The following PEX14 variants were observed in gnomAD, a reference collection of about 807,000 sequenced individuals.
PEX14 encodes the protein peroxisomal membrane protein PEX14.
A neutral mutation model predicts 49.5 loss-of-function variants in PEX14; 15 were observed. That is an observed-to-expected ratio of 0.30 (90% CI 0.20 to 0.47). PEX14 has a LOEUF of 0.47. Ranked by LOEUF, PEX14 falls within the 20% of genes least tolerant of loss-of-function variation. The probability of loss-of-function intolerance (pLI) is 1.00; values close to 1 mark genes in which losing one functional copy is unlikely to be tolerated. For synonymous variants in PEX14, 210 were observed against 212.7 expected, an observed-to-expected ratio of 0.99 and a Z score of 0.11; for missense variants, 398 against 494.8, an observed-to-expected ratio of 0.80 and a Z score of 1.86.
chr1:10,504,887 AG>A (rs1641754276), intron 2 of PEX14, among the ~76,000 whole-genome samples: 1 of 151,576 alleles, frequency 6.6e-6, no homozygotes, highest in African/African-American at 2.4e-5. Context: ...CCCAGGGTCA[AG>A]CTGTTCTCCT....
chr1:10,572,413 C>T (rs143885321), intron 3 of PEX14, among the ~76,000 whole-genome samples: 10 of 152,130 alleles, frequency 6.6e-5, no homozygotes, highest in Admixed American at 6.5e-5. Flanking sequence ...AACCATAGAA[C>T]AAAAAGGATG....
chr1:10,586,349 TCTA>T (rs1272096855), intron 3 of PEX14, among the ~76,000 whole-genome samples: 1 of 152,218 alleles, frequency 6.6e-6, no homozygotes, highest in Non-Finnish European at 1.5e-5. Flanking sequence ...CTAGAGCTCT[TCTA>T]CTCTGCTGGT....
chr1:10,623,101 G>A lies in PEX14; in HGVS notation c.467G>A (p.Ser156Asn). The A allele has an allele frequency of 6.2e-7, 1 of 1,613,316 alleles. No homozygotes were observed. The highest frequency in any genetic ancestry group is 8.5e-7 in the Non-Finnish European group (1 of 1,179,494). The change falls in exon 6 of 9, where the codon AGT becomes AAT. Residue 156 changes from serine (S) to asparagine (N), a missense_variant. Ser to Asn is a conservative substitution (Grantham distance 46). Transcript: ENST00000356607. The surrounding 1 kb of genome is among the most constrained non-coding windows in gnomAD (Gnocchi z 4.4). ...ERMEAGLSELSGSVAQTVTQL... is the reference protein window; with the variant it reads ...ERMEAGLSELNGSVAQTVTQL... Reference sequence around the variant, plus strand: ...ATGGAGGCCGGTCTCTCTGAGCTGAGTGGCAGCGTGGCCCAGACAGGTAAA... The same window carrying A: ...ATGGAGGCCGGTCTCTCTGAGCTGAATGGCAGCGTGGCCCAGACAGGTAAA...
chr1:10,482,774 T>C (rs375136849), intron 1 of PEX14, among the ~76,000 whole-genome samples: 1 of 152,326 alleles, frequency 6.6e-6, no homozygotes, highest in East Asian at 1.9e-4. Context: ...GTTTCACCTT[T>C]AGGGTCATTA....
At chr1:10,525,420 G>A (rs1288717974) in intron 2 of PEX14, among the ~76,000 whole-genome samples, 2 of 152,026 alleles carry the variant, frequency 1.3e-5, no homozygotes, top group Non-Finnish European at 2.9e-5. Context: ...TTGTGAAGTC[G>A]TCTACAAGGG....
chr1:10,557,709 C>T (rs1030414026), intron 3 of PEX14, among the ~76,000 whole-genome samples: 9 of 152,378 alleles, frequency 5.9e-5, no homozygotes, highest in Admixed American at 3.3e-4. Context: ...ACAGCCTCAA[C>T]ACCAGTTGGC....
Position 10,546,589 on chromosome 1 carries a change from A to G in PEX14, c.169+10292A>G, listed in dbSNP as rs1202055707. On this transcript the variant is annotated intron_variant, in intron 3 of 8. Transcript: ENST00000356607. ...AAAAAAAAAAAAAAAAAAAAAGGCT[A>G]GGTGCGGTGGCTCACGCCTATAATC... Among the ~76,000 whole-genome samples the G allele has an allele frequency of 1.5e-4, 17 of 113,986 alleles. No individual in the cohort carries two copies. In the East Asian group the frequency reaches 1.5e-3, roughly 10 times the overall value. The allele number at this position is 113,986 out of a possible 152,430, so 74.8% of individuals were successfully genotyped here. A position where few individuals can be genotyped will look rare whatever the true frequency, so the allele number is the denominator to read the frequency against.
intron 3 of PEX14, among the ~76,000 whole-genome samples, chr1:10,556,865 A>G (rs1473877551): frequency 2.6e-5 from 4 of 152,074 alleles, no homozygotes; most frequent in African/African-American, 7.2e-5. Context: ...TTTTATCCCC[A>G]TTTTATAGAC....
intron 3 of PEX14, among the ~76,000 whole-genome samples, chr1:10,549,299 A>G (rs1302020782): frequency 6.6e-6 from 1 of 152,242 alleles, no homozygotes; most frequent in Non-Finnish European, 1.5e-5. Flanking sequence ...TATGAAGCTA[A>G]AGAACAAAGC....
intron 1 of PEX14, among the ~76,000 whole-genome samples, chr1:10,483,274 G>C (rs1641313248): frequency 6.6e-6 from 1 of 152,270 alleles, no homozygotes; most frequent in African/African-American, 2.4e-5. Flanking sequence ...TCCTGCCTTG[G>C]CCTCCCAAAG....
At chr1:10,481,800 CATTT>C (rs1466379034) in intron 1 of PEX14, among the ~76,000 whole-genome samples, 2 of 150,468 alleles carry the variant, frequency 1.3e-5, no homozygotes, top group South Asian at 2.1e-4. Context: ...TGTGTTTGGC[CATTT>C]ATTATTAACC....
At chr1:10,518,957 T>C (rs1248717764) in intron 2 of PEX14, among the ~76,000 whole-genome samples, 1 of 152,124 alleles carries the variant, frequency 6.6e-6, no homozygotes, top group Non-Finnish European at 1.5e-5. Context: ...GGAGTGTGTT[T>C]CTTGCCGTGT....
chr1:10,566,502 T>A (rs1054172368), intron 3 of PEX14, among the ~76,000 whole-genome samples: 4 of 152,070 alleles, frequency 2.6e-5, no homozygotes, highest in Non-Finnish European at 5.9e-5. Flanking sequence ...CCTTTTTTTT[T>A]TTTGACGTGG....
chr1:10,505,927 C>T (rs1342468274), intron 2 of PEX14, among the ~76,000 whole-genome samples: 2 of 152,124 alleles, frequency 1.3e-5, no homozygotes, highest in East Asian at 3.8e-4. Context: ...GTGATCTGCC[C>T]GCCTCAGCCT....
At chr1:10,608,517 C>T (rs1641185405) in intron 4 of PEX14, among the ~76,000 whole-genome samples, 1 of 152,002 alleles carries the variant, frequency 6.6e-6, no homozygotes, top group African/African-American at 2.4e-5. Flanking sequence ...CAAAAATTAG[C>T]TGGGTGTGGT....
intron 1 of PEX14, among the ~76,000 whole-genome samples, chr1:10,486,557 C>T (rs540631658): frequency 6.6e-6 from 1 of 151,768 alleles, no homozygotes; most frequent in South Asian, 2.1e-4. Context: ...TGGCACATAC[C>T]TGGAGTTCTA....
intron 7 of PEX14, among the ~76,000 whole-genome samples, chr1:10,627,039 C>T (rs1042487428): frequency 8.5e-5 from 13 of 152,326 alleles, no homozygotes; most frequent in Admixed American, 8.5e-4. Context: ...CACCTAAAAA[C>T]ACGTAATGAT....
At chr1:10,543,166 G>A (rs1418338433) in intron 3 of PEX14, among the ~76,000 whole-genome samples, 2 of 152,176 alleles carry the variant, frequency 1.3e-5, no homozygotes, top group Non-Finnish European at 1.5e-5. Flanking sequence ...ACGGAGTCTC[G>A]CTCTGTCGCC....
intron 3 of PEX14, among the ~76,000 whole-genome samples, chr1:10,576,977 G>C (rs887204957): frequency 5.3e-5 from 8 of 151,848 alleles, no homozygotes; most frequent in African/African-American, 1.9e-4. Flanking sequence ...CCTGACCTCA[G>C]GTGGTCCACC....
Sources: allele counts gnomAD v4.1 joint callset (sites outside exome capture counted in the v4.1 genomes callset), GRCh38; gene constraint gnomAD v4.1.1; non-coding constraint Gnocchi (gnomAD v3.1); transcripts MANE v1.5; gene names NCBI Gene and HGNC (gene_info 2026-07-23, HGNC 2026-07-21).